The following CCDC191 variants were observed in gnomAD, a reference collection of about 807,000 sequenced individuals.
The protein encoded by CCDC191 is coiled-coil domain-containing protein 191.
In CCDC191, 99 loss-of-function variants were observed where a neutral mutation model predicts 114.0. The ratio of observed to expected loss-of-function variants is 0.87; its 90% CI spans 0.74 to 1.03. The LOEUF (loss-of-function observed/expected upper bound fraction) is 1.03, where lower values mean the gene tolerates loss of function less well. Ranked by LOEUF, CCDC191 falls within the 50% of genes least tolerant of loss-of-function variation. The pLI is 0.00. For missense variants in CCDC191, 973 were observed against 1,087.0 expected, an observed-to-expected ratio of 0.90 and a Z score of 1.47; for synonymous variants, 351 against 376.0, an observed-to-expected ratio of 0.93 and a Z score of 0.77.
upstream of CCDC191, chr3:114,056,584 G>GAC: frequency 6.3e-7 from 1 of 1,593,206 alleles, no homozygotes; most frequent in Non-Finnish European, 8.5e-7. Flanking sequence ...GCAGGCATAG[G>GAC]ACACCGTCGA....
At chr3:114,001,965 A>C (rs115452333) in intron 12 of CCDC191, among the ~76,000 whole-genome samples, 1,749 of 152,316 alleles carry the variant, frequency 0.011, 16 homozygotes, top group Non-Finnish European at 0.018. Context: ...ATTACTTTTT[A>C]GTTCTTACTG....
rs760415241 is a variant in CCDC191 at position 113,980,661 on chromosome 3, GT to G, written c.2295del (p.Lys765AsnfsTer21). ...GTGGGACAGTGTACCTGGATGTTTT[GT>G]TTGCTTTGCATTCTCAATCTCTTCC... ...EPWKRLRMQS[K>X]QNIQVAEEHY... is the part of the protein sequence containing the mutation. On this transcript the variant is annotated frameshift_variant, in exon 14 of 17. Coordinates refer to ENST00000295878, the MANE Select transcript of CCDC191 (RefSeq NM_020817.2). LOFTEE classifies it high-confidence loss of function. 7 of 1,588,636 alleles carry G rather than the reference GT, an allele frequency of 4.4e-6. No individual in the cohort carries two copies. Among genetic ancestry groups the G allele is most frequent in the Non-Finnish European group, 6.0e-6 (7 of 1,173,060 alleles).
chr3:114,054,456 C>A (rs1215822209), intron 1 of CCDC191, among the ~76,000 whole-genome samples: 1 of 152,046 alleles, frequency 6.6e-6, no homozygotes, highest in East Asian at 1.9e-4. Flanking sequence ...TACGGTGAAA[C>A]CCCGTCTCTA....
chr3:113,967,437 T>C, intron 16 of CCDC191, among the ~76,000 whole-genome samples: 1 of 152,134 alleles, frequency 6.6e-6, no homozygotes, highest in East Asian at 1.9e-4. Flanking sequence ...TTCCCTGAAC[T>C]CCTAAAACAT....
At chr3:113,977,617 T>C (rs756926375) in intron 16 of CCDC191, among the ~76,000 whole-genome samples, 2 of 152,322 alleles carry the variant, frequency 1.3e-5, no homozygotes, top group Non-Finnish European at 2.9e-5. Flanking sequence ...GAAGGCTGCA[T>C]ACTTAGGAGA....
At position 114,005,922 on chromosome 3, in the gene CCDC191, C is replaced by T; in HGVS notation, c.1454G>A (p.Gly485Glu). ...AGGACTGAGCATACAACCACTGCTT[C>T]CCAAGGGAGGCTTTTCCCACAAAGG... is the stretch of plus-strand genomic sequence containing the variant. ...VPPLWEKPPL[G>E]SSGCMLSPPL... The change falls in exon 10 of 17, where the codon GGA (glycine) becomes GAA (glutamate). Residue 485 changes from glycine (G) to glutamate (E), a missense_variant. Transcript: ENST00000295878. 3 of 1,614,050 alleles carry T rather than the reference C, an allele frequency of 1.9e-6. No homozygotes were observed. The highest frequency in any genetic ancestry group is 2.5e-6 in the Non-Finnish European group (3 of 1,179,966).
At chr3:114,031,025 C>T (rs914349508) in intron 7 of CCDC191, among the ~76,000 whole-genome samples, 4 of 152,124 alleles carry the variant, frequency 2.6e-5, no homozygotes, top group Non-Finnish European at 5.9e-5. Context: ...ATCAATCCCA[C>T]TTTATTGAAG....
chr3:114,018,666 AAAT>A lies in CCDC191; in HGVS notation c.1163+9_1163+11del. On this transcript the variant is annotated intron_variant, in intron 8 of 16. Transcript: ENST00000295878. The stretch of plus-strand genomic sequence containing the variant: ...TAAACATACTAGATTTTCACAATAC[AAAT>A]AATGATACCTGTTTTCTTCCCTAAG... 1 of 1,599,940 alleles carries A rather than the reference AAAT, an allele frequency of 6.3e-7. No homozygotes were observed. Among genetic ancestry groups the A allele is most frequent in the Non-Finnish European group, 8.5e-7 (1 of 1,171,774 alleles).
At position 114,031,756 on chromosome 3, in the gene CCDC191, T is replaced by C; in HGVS notation, c.842A>G (p.Asn281Ser). The C allele has an allele frequency of 6.8e-7, 1 of 1,463,056 alleles. No individual in the cohort carries two copies. The highest frequency in any genetic ancestry group is 9.5e-7 in the Non-Finnish European group (1 of 1,047,276). The allele number at this position is 1,463,056 out of a possible 1,614,324, so 90.6% of individuals were successfully genotyped here. Residue 281 changes from asparagine (N) to serine (S), a missense_variant, in exon 7 of 17, where the codon AAT (asparagine) becomes AGT (serine). Coordinates refer to ENST00000295878, the MANE Select transcript of CCDC191 (RefSeq NM_020817.2). The part of the protein sequence containing the change: ...WKIEKKRQEE[N>S]SQNSSEKVMF... ...GACTTTTTCTGAACTATTTTGAGAATTCTCTTCTTGCCTTTTCTTCTCTCT... is the reference window on the plus strand; with the variant it reads ...GACTTTTTCTGAACTATTTTGAGAACTCTCTTCTTGCCTTTTCTTCTCTCT...
intron 16 of CCDC191, among the ~76,000 whole-genome samples, chr3:113,968,418 C>CTT (rs1940433947): frequency 6.6e-6 from 1 of 151,840 alleles, no homozygotes; most frequent in Admixed American, 6.6e-5. Context: ...TTTTTGGCCA[C>CTT]TTGTATATCT....
rs1343956257 is a variant in CCDC191 at position 114,010,865 on chromosome 3, T to C, written c.1320A>G (p.Ala440=). 1.9e-6 allele frequency: 3 copies of C among 1,614,118 alleles called. No homozygotes were observed. The South Asian group carries it at 3.3e-5, about 18-fold the overall frequency. Residue 440 remains alanine, a synonymous_variant, in exon 9 of 17, where the codon GCA becomes GCG. Transcript: ENST00000295878. ...CATTGGCACTGAGTTTCCCCAGTGA[T>C]GCTGCCTGCAGCAGTGCATCCATCT... ...RKKMDALLQA[A]SLGKLSANGL... is the part of the protein sequence containing the mutation.
chr3:113,969,793 C>T (rs1239689879), intron 16 of CCDC191, among the ~76,000 whole-genome samples: 2 of 152,062 alleles, frequency 1.3e-5, no homozygotes, highest in East Asian at 3.8e-4. Flanking sequence ...ATACCTAGAG[C>T]TTTGTTCTTT....
At chr3:113,988,858 A>G (rs929408858) in intron 13 of CCDC191, among the ~76,000 whole-genome samples, 3 of 152,006 alleles carry the variant, frequency 2.0e-5, no homozygotes, top group Non-Finnish European at 4.4e-5. Flanking sequence ...CAGCAGCTCA[A>G]TCTCGGCTCA....
chr3:114,026,252 T>C (rs903476624), intron 7 of CCDC191, among the ~76,000 whole-genome samples: 1 of 152,234 alleles, frequency 6.6e-6, no homozygotes, highest in Non-Finnish European at 1.5e-5. Flanking sequence ...TCTGGGTTAC[T>C]TACAGGGTCA....
At chr3:114,036,464 T>C (rs1408255935) in intron 5 of CCDC191, 144 bp downstream of exon 5, 1 of 477,624 alleles carries the variant, frequency 2.1e-6, no homozygotes, top group African/African-American at 2.0e-5. Context: ...CTGAAGTTCT[T>C]ATATTTTATT....
Position 113,980,886 on chromosome 3 carries a change from C to T in CCDC191, c.2164-93G>A, listed in dbSNP as rs1192349932. ...AATGAATTTAATTTGAACATGTAAC[C>T]ATTGAATGGTGTGTTAATCATGATA... On this transcript the variant is annotated intron_variant, in intron 13 of 16. Coordinates refer to ENST00000295878, the MANE Select transcript of CCDC191 (RefSeq NM_020817.2). 5 of 1,147,696 alleles carry T rather than the reference C, an allele frequency of 4.4e-6. No homozygotes were observed. The East Asian group carries it at 7.2e-5, about 17-fold the overall frequency. 71.1% of individuals were successfully genotyped at this position (1,147,696 alleles called of 1,614,324 possible).
intron 13 of CCDC191, chr3:113,984,296 G>A (rs1488023362): frequency 6.6e-6 from 1 of 151,896 alleles, no homozygotes; most frequent in African/African-American, 2.4e-5. Flanking sequence ...CACTCAATGA[G>A]CAAAAATACC....
chr3:113,981,477 A>T (rs557490060), intron 13 of CCDC191, among the ~76,000 whole-genome samples: 1 of 152,316 alleles, frequency 6.6e-6, no homozygotes, highest in African/African-American at 2.4e-5. Flanking sequence ...GCTTATTGTA[A>T]AGGTGAGAGA....
chr3:113,987,919 G>T (rs1452669837), intron 13 of CCDC191, among the ~76,000 whole-genome samples: 1 of 151,368 alleles, frequency 6.6e-6, no homozygotes, highest in Non-Finnish European at 1.5e-5. Context: ...GTGGGTGCCT[G>T]TAATCCCAGC....
Sources: allele counts gnomAD v4.1 joint callset (sites outside exome capture counted in the v4.1 genomes callset), GRCh38; gene constraint gnomAD v4.1.1; transcripts MANE v1.5; gene names NCBI Gene and HGNC (gene_info 2026-07-23, HGNC 2026-07-21).